MALRD1: variants seen among roughly 807,000 people sequenced by gnomAD.
The protein encoded by MALRD1 is MAM and LDL-receptor class A domain-containing protein 1.
In MALRD1, 247 loss-of-function variants were observed where a neutral mutation model predicts 242.1. That is an observed-to-expected ratio of 1.02 (90% CI 0.92 to 1.13). The LOEUF is 1.13. Among genes scored for constraint, MALRD1 ranks in the 50% most tolerant of loss-of-function variants. The probability of loss-of-function intolerance (pLI) is 0.00; values close to 1 mark genes in which losing one functional copy is unlikely to be tolerated. For synonymous variants in MALRD1, 995 were observed against 866.6 expected (o/e 1.15, Z -2.60); for missense variants, 2,989 against 2,533.1 (o/e 1.18, Z -3.86).
At chr10:19,692,393 G>C (rs1283341349) in intron 37 of MALRD1, 32 bp downstream of exon 37, 1 of 1,531,480 alleles carries the variant, frequency 6.5e-7, no homozygotes, top group East Asian at 2.5e-5. Flanking sequence ...TAAATGGCTT[G>C]GTTTGGGGTG....
At chr10:19,474,804 T>C (rs576592875) in intron 29 of MALRD1, among the ~76,000 whole-genome samples, 2 of 152,298 alleles carry the variant, frequency 1.3e-5, no homozygotes, top group South Asian at 4.1e-4. Context: ...TTTATATATT[T>C]TATTTTATCT....
chr10:19,278,550 C>T (rs1840649021), intron 19 of MALRD1, among the ~76,000 whole-genome samples: 1 of 152,106 alleles, frequency 6.6e-6, no homozygotes, highest in South Asian at 2.1e-4. Context: ...AGTATACCTA[C>T]CATATGCCAT....
intron 38 of MALRD1, among the ~76,000 whole-genome samples, chr10:19,729,479 T>C (rs1835185522): frequency 6.6e-6 from 1 of 151,972 alleles, no homozygotes; most frequent in South Asian, 2.1e-4. Context: ...AAAACAATCA[T>C]CCTGGAATTG....
At chr10:19,494,948 G>A (rs541388106) in intron 30 of MALRD1, among the ~76,000 whole-genome samples, 1 of 151,320 alleles carries the variant, frequency 6.6e-6, no homozygotes, top group East Asian at 1.9e-4. Context: ...TATTACACAT[G>A]AAGATTATCC....
chr10:19,309,879 G>T (rs1047642954), intron 21 of MALRD1, among the ~76,000 whole-genome samples: 2 of 151,444 alleles, frequency 1.3e-5, no homozygotes, highest in African/African-American at 4.8e-5. Flanking sequence ...TTACTGCAAA[G>T]ACTACAAAGG....
At chr10:19,262,097 T>C (rs976729216) in intron 19 of MALRD1, among the ~76,000 whole-genome samples, 1 of 152,182 alleles carries the variant, frequency 6.6e-6, no homozygotes, top group African/African-American at 2.4e-5. Flanking sequence ...TCTCTCATAT[T>C]CTGAGCTATG....
chr10:19,545,675 C>G (rs1346206276), intron 32 of MALRD1, among the ~76,000 whole-genome samples: 1 of 152,076 alleles, frequency 6.6e-6, no homozygotes, highest in Non-Finnish European at 1.5e-5. Context: ...GAGCCCTCAT[C>G]ATTCGTCACC....
chr10:19,121,817 T>A (rs1025039979), intron 5 of MALRD1, among the ~76,000 whole-genome samples: 3 of 152,086 alleles, frequency 2.0e-5, no homozygotes, highest in African/African-American at 7.2e-5. Flanking sequence ...ATTTTCCCAA[T>A]GAAATGTGAA....
chr10:19,522,255 G>T (rs1833914333), intron 31 of MALRD1, among the ~76,000 whole-genome samples: 1 of 151,972 alleles, frequency 6.6e-6, no homozygotes, highest in Non-Finnish European at 1.5e-5. Flanking sequence ...GAAGTACTTT[G>T]GGTTTTATTA....
At chr10:19,351,973 T>C (rs530005892) in intron 25 of MALRD1, 33 bp from the exon 26 acceptor site, 1 of 1,454,376 alleles carries the variant, frequency 6.9e-7, no homozygotes, top group African/African-American at 1.4e-5. Context: ...ATACTAATCA[T>C]ATCGTATGTA....
At chr10:19,650,545 T>A (rs1326980) in intron 36 of MALRD1, among the ~76,000 whole-genome samples, 16,644 of 152,120 alleles carry the variant, frequency 0.11, 2,329 homozygotes, top group African/African-American at 0.32. Flanking sequence ...TTTCTGTAAC[T>A]TCGTTAGGTA....
rs78884097 is a variant in MALRD1 at position 19,543,433 on chromosome 10, C to T, written c.5478+12082C>T. Among the ~76,000 whole-genome samples the T allele has an allele frequency of 5.9e-3, 630 of 106,314 alleles. 2 individuals carry two copies. The highest frequency in any genetic ancestry group is 8.1e-3 in the Non-Finnish European group (438 of 54,006). The allele number at this position is 106,314 out of a possible 152,430, so 69.7% of individuals were successfully genotyped here. On this transcript the variant is annotated intron_variant, in intron 32 of 39. Coordinates refer to ENST00000454679, the MANE Select transcript of MALRD1 (RefSeq NM_001142308.3). Reference sequence around the variant, plus strand: ...TGTAAAAATCATGCCCAGCTGATTTCTTTTTTTTTTTTTTTTTTGAGAGAG... The same window carrying T: ...TGTAAAAATCATGCCCAGCTGATTTTTTTTTTTTTTTTTTTTTTGAGAGAG...
At chr10:19,237,576 AAT>A (rs557021818) in intron 18 of MALRD1, among the ~76,000 whole-genome samples, 2,104 of 31,656 alleles carry the variant, frequency 0.066, 47 homozygotes, top group African/African-American at 0.2. Context: ...AATTATATAT[AAT>A]TATAATTATA....
intron 26 of MALRD1, among the ~76,000 whole-genome samples, chr10:19,356,485 T>G (rs536910945): frequency 6.6e-6 from 1 of 152,286 alleles, no homozygotes; most frequent in African/African-American, 2.4e-5. Context: ...ATTTTAATAA[T>G]ATATTTTAAT....
chr10:19,565,936 A>G (rs1173619150), intron 32 of MALRD1, among the ~76,000 whole-genome samples: 2 of 151,944 alleles, frequency 1.3e-5, no homozygotes, highest in Non-Finnish European at 2.9e-5. Flanking sequence ...TGTTTTGTTT[A>G]ATTTCCATTA....
At chr10:19,086,168 C>T (rs1022982827) in intron 2 of MALRD1, among the ~76,000 whole-genome samples, 4 of 151,938 alleles carry the variant, frequency 2.6e-5, no homozygotes, top group African/African-American at 7.2e-5. Context: ...CATAAGCAAT[C>T]GTTAATATCA....
chr10:19,195,332 C>T (rs1836189034), intron 14 of MALRD1, among the ~76,000 whole-genome samples: 1 of 152,082 alleles, frequency 6.6e-6, no homozygotes, highest in African/African-American at 2.4e-5. Context: ...CTTGATTGTT[C>T]CTTCTCATCT....
intron 8 of MALRD1, among the ~76,000 whole-genome samples, chr10:19,130,801 G>A (rs1833072126): frequency 6.6e-6 from 1 of 152,090 alleles, no homozygotes; most frequent in African/African-American, 2.4e-5. Context: ...TCTTCTGGTG[G>A]CTTTAGAACC....
chr10:19,504,213 T>C (rs150983821), intron 31 of MALRD1, among the ~76,000 whole-genome samples: 38 of 152,326 alleles, frequency 2.5e-4, no homozygotes, highest in Non-Finnish European at 3.4e-4. Context: ...ACAGATATTA[T>C]GGTTTTTCTC....
Sources: allele counts gnomAD v4.1 joint callset (sites outside exome capture counted in the v4.1 genomes callset), GRCh38; gene constraint gnomAD v4.1.1; transcripts MANE v1.5; gene names NCBI Gene and HGNC (gene_info 2026-07-23, HGNC 2026-07-21).